Variants in ZNF710 observed in about 807,000 individuals in gnomAD.
ZNF710 encodes zinc finger protein 710.
In ZNF710, 13 loss-of-function variants were observed where a neutral mutation model predicts 50.6. The ratio of observed to expected loss-of-function variants is 0.26; its 90% CI spans 0.17 to 0.41. ZNF710 has a LOEUF of 0.41. Among genes scored for constraint, ZNF710 ranks in the 10% least tolerant of loss-of-function variants. ZNF710 has a pLI of 1.00. For missense variants in ZNF710, 721 were observed against 936.6 expected (o/e 0.77, Z 3.01); for synonymous variants, 383 against 397.0 (o/e 0.96, Z 0.42).
At chr15:90,018,367 C>T (rs1029092362) in intron 1 of ZNF710, among the ~76,000 whole-genome samples, 8 of 151,984 alleles carry the variant, frequency 5.3e-5, no homozygotes, top group African/African-American at 1.9e-4. Context: ...CGGGGTTTCA[C>T]CATGTTGGCA....
At position 90,067,740 on chromosome 15, in the gene ZNF710, G is replaced by C; in HGVS notation, c.603G>C (p.Glu201Asp). 1.3e-6 allele frequency: 2 copies of C among 1,598,396 alleles called. No individual in the cohort carries two copies. The highest frequency in any genetic ancestry group is 1.7e-6 in the Non-Finnish European group (2 of 1,173,124). ...CCCCGGCCCGGGATGGCTTCCCCGAGCCCAGCATGGCGCTGCCTGGGCCAG... is the reference window on the plus strand; with the variant it reads ...CCCCGGCCCGGGATGGCTTCCCCGACCCCAGCATGGCGCTGCCTGGGCCAG... ...FPAPARDGFP[E>D]PSMALPGPEA... is the part of the protein sequence containing the mutation. Residue 201 changes from glutamate (E) to aspartate (D), a missense_variant, in exon 2 of 5, where the codon GAG (glutamate) becomes GAC (aspartate). This residue lies in a region of ZNF710 where 326 missense variants were observed against 347.1 expected (regional missense o/e 0.94). Coordinates refer to ENST00000268154, the MANE Select transcript of ZNF710 (RefSeq NM_198526.4). The surrounding 1 kb of genome is among the most constrained non-coding windows in gnomAD (Gnocchi z 8.1).
chr15:90,045,734 T>A (rs940281790), intron 1 of ZNF710, among the ~76,000 whole-genome samples: 19 of 152,070 alleles, frequency 1.2e-4, no homozygotes, highest in African/African-American at 4.6e-4. Flanking sequence ...ATGGAGGACA[T>A]AGATCTGGCC....
At chr15:90,043,558 A>G (rs1899365819) in intron 1 of ZNF710, among the ~76,000 whole-genome samples, 1 of 152,150 alleles carries the variant, frequency 6.6e-6, no homozygotes, top group Admixed American at 6.5e-5. Flanking sequence ...AACTGAATTT[A>G]TTTTTTGTAC....
In ZNF710 at chr15:90,068,615, C is replaced by G. The variant is rs777182099; in HGVS notation, c.1458+20C>G. ...CACAAGGTAAGGCCGTTCCCAGGGCCTGGGCATCTGCCTGCCCCTCCTGCC... is the reference window on the plus strand; with the variant it reads ...CACAAGGTAAGGCCGTTCCCAGGGCGTGGGCATCTGCCTGCCCCTCCTGCC... On this transcript the variant is annotated intron_variant, in intron 2 of 4. Transcript: ENST00000268154. This position sits in a 1 kb window ranked among gnomAD's most constrained non-coding sequence, Gnocchi z 5.0. 1.3e-6 allele frequency: 2 copies of G among 1,559,464 alleles called. No homozygotes were observed. The highest frequency in any genetic ancestry group is 1.7e-6 in the Non-Finnish European group (2 of 1,153,720).
At position 90,012,521 on chromosome 15, in the gene ZNF710, C is replaced by T. The variant is rs566646472; in HGVS notation, c.-29+10907C>T. ...CCCTGACCTTGTGATCCACCCGCCT[C>T]GGCCTCCCAAAGTGCTGGGATTACA... is the stretch of plus-strand genomic sequence containing the variant. On this transcript the variant is annotated intron_variant, in intron 1 of 4. Transcript: ENST00000268154. 1.6e-4 allele frequency among the ~76,000 whole-genome samples: 24 copies of T among 152,096 alleles called. 1 individual carries two copies. The South Asian group carries it at 4.4e-3, about 28-fold the overall frequency.
At chr15:90,021,099 C>T (rs1567223089) in intron 1 of ZNF710, among the ~76,000 whole-genome samples, 1 of 151,822 alleles carries the variant, frequency 6.6e-6, no homozygotes, top group African/African-American at 2.4e-5. Context: ...AACGTTTCTC[C>T]AGTGTGTGTT....
intron 1 of ZNF710, among the ~76,000 whole-genome samples, chr15:90,033,684 A>G (rs1899015611): frequency 6.6e-6 from 1 of 152,160 alleles, no homozygotes; most frequent in African/African-American, 2.4e-5. Context: ...TCAGCCTCCC[A>G]AGTAGCTGGG....
rs532686974 is a variant in ZNF710, at chr15:90,080,031, A to G, written c.*202A>G. On this transcript the variant is annotated 3_prime_UTR_variant, in exon 5 of 5. Transcript: ENST00000268154. ...ACTGGCCCCGGCTGTGAGCCAGCACAGGCCCAGGCATCCCAGCAAGGGAAG... is the reference window on the plus strand; with the variant it reads ...ACTGGCCCCGGCTGTGAGCCAGCACGGGCCCAGGCATCCCAGCAAGGGAAG... The G allele has an allele frequency of 1.0e-3, 496 of 491,258 alleles. 1 individual carries two copies. Among genetic ancestry groups the G allele is most frequent in the Admixed American group, 1.7e-3 (40 of 22,946 alleles). 30.4% of individuals were successfully genotyped at this position (491,258 alleles called of 1,614,324 possible). A position where few individuals can be genotyped will look rare whatever the true frequency, so the allele number is the denominator to read the frequency against.
At chr15:90,020,848 A>G (rs948910633) in intron 1 of ZNF710, among the ~76,000 whole-genome samples, 2 of 152,134 alleles carry the variant, frequency 1.3e-5, no homozygotes, top group Admixed American at 6.5e-5. Context: ...TGACAGTGTT[A>G]CAGATCTCAT....
intron 1 of ZNF710, among the ~76,000 whole-genome samples, chr15:90,043,749 ATTCT>A (rs919562317): frequency 7.2e-5 from 11 of 152,076 alleles, no homozygotes; most frequent in African/African-American, 1.7e-4. Context: ...ACGCTAGAAC[ATTCT>A]TTCTTTCAAA....
chr15:90,066,391 C>T (rs541803475), intron 1 of ZNF710, among the ~76,000 whole-genome samples: 2 of 151,404 alleles, frequency 1.3e-5, no homozygotes, highest in Non-Finnish European at 2.9e-5. Flanking sequence ...GCACATATTA[C>T]ATTTGAGTAG....
At position 90,068,657 on chromosome 15, in the gene ZNF710, C is replaced by T. The variant is rs1900274483; in HGVS notation, c.1458+62C>T. On this transcript the variant is annotated intron_variant, in intron 2 of 4. Coordinates refer to ENST00000268154, the MANE Select transcript of ZNF710 (RefSeq NM_198526.4). The surrounding 1 kb of genome is among the most constrained non-coding windows in gnomAD (Gnocchi z 5.0). The stretch of plus-strand genomic sequence containing the variant: ...CCTCCTGCCACTTTTTCATCCAGTA[C>T]TTTCCAAAGTCCCAGATGGGACCAT... 1 of 1,523,614 alleles carries T rather than the reference C, an allele frequency of 6.6e-7. No homozygotes were observed. Among genetic ancestry groups the T allele is most frequent in the East Asian group, 2.3e-5 (1 of 44,150 alleles). The allele number at this position is 1,523,614 out of a possible 1,614,324, so 94.4% of individuals were successfully genotyped here.
At chr15:90,019,187 C>CTTTTTTTTTTTTTTTTTTTTTTTCTT (rs11285838) in intron 1 of ZNF710, among the ~76,000 whole-genome samples, 1 of 89,388 alleles carries the variant, frequency 1.1e-5, no homozygotes, top group Non-Finnish European at 2.1e-5. Context: ...CTTTTTCTTT[C>CTTTTTTTTTTTTTTTTTTTTTTTCTT]TTTTTTTTTT....
chr15:90,006,375 A>G (rs1430207601), intron 1 of ZNF710, among the ~76,000 whole-genome samples: 1 of 152,150 alleles, frequency 6.6e-6, no homozygotes, highest in Non-Finnish European at 1.5e-5. Flanking sequence ...ACATGTGTAA[A>G]CATTACCTGC....
Position 90,076,264 on chromosome 15 carries a change from T to C in ZNF710, c.1825+1974T>C, listed in dbSNP as rs539053091. ...GTTCAAATGTAAGTGATCTGGAATGTGGCCTGGGATCAGGATTTTTGTAAA... is the reference window on the plus strand; with the variant it reads ...GTTCAAATGTAAGTGATCTGGAATGCGGCCTGGGATCAGGATTTTTGTAAA... On this transcript the variant is annotated intron_variant, in intron 4 of 4. Coordinates refer to ENST00000268154, the MANE Select transcript of ZNF710 (RefSeq NM_198526.4). 4 of 152,334 alleles carry C rather than the reference T, an allele frequency of 2.6e-5. No homozygotes were observed. The South Asian group carries it at 8.3e-4, about 32-fold the overall frequency. 9.4% of individuals were successfully genotyped at this position (152,334 alleles called of 1,614,324 possible).
intron 1 of ZNF710, among the ~76,000 whole-genome samples, chr15:90,061,797 G>C (rs73486391): frequency 0.1 from 15,393 of 152,196 alleles, 2,615 homozygotes; most frequent in African/African-American, 0.35. Context: ...AATAGTTCCC[G>C]TTCCAAGTAG....
intron 3 of ZNF710, 31 bp downstream of exon 3, chr15:90,073,293 C>G: frequency 6.2e-7 from 1 of 1,601,590 alleles, no homozygotes; most frequent in Non-Finnish European, 8.5e-7. Flanking sequence ...GGGGCTGGGA[C>G]CTCCCCGAGG....
At chr15:90,008,600 T>G (rs1341729095) in intron 1 of ZNF710, among the ~76,000 whole-genome samples, 2 of 150,602 alleles carry the variant, frequency 1.3e-5, no homozygotes, top group East Asian at 3.9e-4. Flanking sequence ...CTGGGCAACA[T>G]AGTGAGACCC....
At chr15:90,045,433 G>C (rs1379066923) in intron 1 of ZNF710, 17 of 982,254 alleles carry the variant, frequency 1.7e-5, no homozygotes, top group Non-Finnish European at 2.1e-5. Flanking sequence ...GGGTAAGGGT[G>C]CAGCTCTAGT....
Sources: allele counts gnomAD v4.1 joint callset (sites outside exome capture counted in the v4.1 genomes callset), GRCh38; gene constraint gnomAD v4.1.1; regional missense constraint gnomAD v4.1.1; non-coding constraint Gnocchi (gnomAD v3.1); transcripts MANE v1.5; gene names NCBI Gene and HGNC (gene_info 2026-07-23, HGNC 2026-07-21).